The following CHN2 variants were observed in gnomAD, a reference collection of about 807,000 sequenced individuals.
CHN2 encodes the protein beta-chimaerin.
A neutral mutation model predicts 56.3 loss-of-function variants in CHN2; 35 were observed. The observed-to-expected ratio is 0.62, with a 90% CI of 0.47 to 0.82. The LOEUF (loss-of-function observed/expected upper bound fraction) is 0.82. CHN2 is among the 40% of genes least tolerant of loss of function. CHN2 has a pLI of 0.00. For synonymous variants in CHN2, 210 were observed against 212.8 expected (o/e 0.99, Z 0.12); for missense variants, 491 against 580.5 (o/e 0.85, Z 1.58).
chr7:29,450,234 T>G (rs562279990), intron 6 of CHN2, among the ~76,000 whole-genome samples: 1 of 152,332 alleles, frequency 6.6e-6, no homozygotes. Flanking sequence ...AGAATGAGTT[T>G]GTTTTTAAGG....
chr7:29,308,932 A>C (rs1794372858), intron 1 of CHN2, among the ~76,000 whole-genome samples: 2 of 152,176 alleles, frequency 1.3e-5, no homozygotes, highest in African/African-American at 4.8e-5. Context: ...GAGGATAGGA[A>C]CATGTCTGTT....
rs1049262079 is a variant in CHN2, at chr7:29,336,132, T to C, written c.50-18493T>C. 1.8e-4 allele frequency: 27 copies of C among 152,216 alleles called. 1 individual carries two copies. Among genetic ancestry groups the C allele is most frequent in the African/African-American group, 5.8e-4 (24 of 41,460 alleles). The allele number at this position is 152,216 out of a possible 1,614,324, so 9.4% of individuals were successfully genotyped here. A position where few individuals can be genotyped will look rare whatever the true frequency, so the allele number is the denominator to read the frequency against. On this transcript the variant is annotated intron_variant, in intron 1 of 12. Transcript: ENST00000222792. ...CTACAAGAGAAGGTGGGACAGCAGA[T>C]TCCTCCTGGAGAATCTCCCTTGTGG...
chr7:29,450,309 T>A (rs932054129), intron 6 of CHN2, among the ~76,000 whole-genome samples: 4 of 152,234 alleles, frequency 2.6e-5, no homozygotes, highest in Admixed American at 2.6e-4. Flanking sequence ...AGCCAATAAC[T>A]GTGACCTTAC....
chr7:29,253,858 G>A (rs1464035935), intron 1 of CHN2, among the ~76,000 whole-genome samples: 2 of 152,156 alleles, frequency 1.3e-5, no homozygotes, highest in East Asian at 3.8e-4. Flanking sequence ...AATATTTAAA[G>A]TGTCAATTAT....
At chr7:29,314,595 G>T (rs1794825143) in intron 1 of CHN2, among the ~76,000 whole-genome samples, 1 of 152,140 alleles carries the variant, frequency 6.6e-6, no homozygotes, top group Non-Finnish European at 1.5e-5. Context: ...AGAGGAATTA[G>T]AAAGTAACAT....
intron 6 of CHN2, 161 bp from the exon 7 acceptor site, chr7:29,480,118 C>T (rs748053405): frequency 6.8e-5 from 105 of 1,553,580 alleles, no homozygotes; most frequent in Non-Finnish European, 8.7e-5. Flanking sequence ...ACTATGTTCT[C>T]TGAAGAACTG....
chr7:29,297,592 G>C (rs1384456630), intron 1 of CHN2, among the ~76,000 whole-genome samples: 1 of 152,168 alleles, frequency 6.6e-6, no homozygotes, highest in Non-Finnish European at 1.5e-5. Context: ...GGGAGGGTAA[G>C]GACAGCTCAA....
At chr7:29,433,566 G>A (rs917754376) in intron 6 of CHN2, among the ~76,000 whole-genome samples, 2 of 152,218 alleles carry the variant, frequency 1.3e-5, no homozygotes, top group Admixed American at 6.5e-5. Context: ...GCCGGGTGCA[G>A]TGACTCACGC....
At chr7:29,241,092 G>A (rs1033750968) in intron 1 of CHN2, among the ~76,000 whole-genome samples, 1 of 152,020 alleles carries the variant, frequency 6.6e-6, no homozygotes, top group Non-Finnish European at 1.5e-5. Context: ...CACCATGTTG[G>A]CCAGGCTGAT....
chr7:29,270,228 T>G (rs1296716140), intron 1 of CHN2, among the ~76,000 whole-genome samples: 1 of 152,178 alleles, frequency 6.6e-6, no homozygotes, highest in East Asian at 1.9e-4. Context: ...CTGGTAGTCT[T>G]ATTGTTTCAG....
At chr7:29,510,928 A>T (rs930590899) in intron 12 of CHN2, among the ~76,000 whole-genome samples, 7 of 127,006 alleles carry the variant, frequency 5.5e-5, no homozygotes, top group African/African-American at 2.1e-4. Context: ...ACCTCTGGTG[A>T]CACTATTCTC....
At chr7:29,172,953 A>G (rs568745378) in intron 2 of CHN2, among the ~76,000 whole-genome samples, 2 of 152,156 alleles carry the variant, frequency 1.3e-5, no homozygotes, top group Admixed American at 1.3e-4. Context: ...CAGTATGGCA[A>G]AAACCTGTTT....
chr7:29,394,642 G>A (rs1055861664), intron 4 of CHN2, among the ~76,000 whole-genome samples: 1 of 152,184 alleles, frequency 6.6e-6, no homozygotes, highest in Non-Finnish European at 1.5e-5. Context: ...GGGGGCACTG[G>A]CCTCCGCTCC....
chr7:29,433,037 C>CA (rs1782962774), intron 6 of CHN2, among the ~76,000 whole-genome samples: 1 of 152,212 alleles, frequency 6.6e-6, no homozygotes, highest in South Asian at 2.1e-4. Flanking sequence ...GTTTTTCCAT[C>CA]AGAGGGATCA....
At chr7:29,264,028 G>A (rs1461939522) in intron 1 of CHN2, among the ~76,000 whole-genome samples, 1 of 148,872 alleles carries the variant, frequency 6.7e-6, no homozygotes, top group African/African-American at 2.5e-5. Flanking sequence ...GGCAGGCCCC[G>A]GGTGGGGGGT....
chr7:29,350,157 A>C (rs1797771900), intron 1 of CHN2, among the ~76,000 whole-genome samples: 1 of 152,228 alleles, frequency 6.6e-6, no homozygotes, highest in African/African-American at 2.4e-5. Flanking sequence ...GATGTGTCAG[A>C]GGTCTAGAAG....
intron 1 of CHN2, among the ~76,000 whole-genome samples, chr7:29,319,362 G>A (rs1246609886): frequency 2.0e-5 from 3 of 152,046 alleles, no homozygotes; most frequent in Non-Finnish European, 4.4e-5. Flanking sequence ...CATGTTGAGG[G>A]GAGGAGGAGG....
At chr7:29,260,589 C>T (rs1789457365) in intron 1 of CHN2, among the ~76,000 whole-genome samples, 1 of 152,108 alleles carries the variant, frequency 6.6e-6, no homozygotes, top group Non-Finnish European at 1.5e-5. Context: ...TTCCACCTTC[C>T]AGCCCTGGAT....
chr7:29,189,926 G>T (rs543300139), upstream of CHN2, among the ~76,000 whole-genome samples: 4 of 152,276 alleles, frequency 2.6e-5, no homozygotes, highest in Admixed American at 6.5e-5. Flanking sequence ...ATGTGAACTG[G>T]GAATTGGGTA....
Sources: allele counts gnomAD v4.1 joint callset (sites outside exome capture counted in the v4.1 genomes callset), GRCh38; gene constraint gnomAD v4.1.1; transcripts MANE v1.5; gene names NCBI Gene and HGNC (gene_info 2026-07-23, HGNC 2026-07-21).